The following NEK4 variants were observed in gnomAD, a reference collection of about 807,000 sequenced individuals.
The protein encoded by NEK4 is NIMA related kinase 4.
Under a neutral mutation model 98.4 loss-of-function variants are expected in NEK4, and 86 were observed. That is an observed-to-expected ratio of 0.87 (90% confidence interval 0.73 to 1.05). The LOEUF is 1.05. Among genes scored for constraint, NEK4 ranks in the 50% least tolerant of loss-of-function variants. The probability of loss-of-function intolerance (pLI) is 0.00; values close to 1 mark genes in which losing one functional copy is unlikely to be tolerated. For synonymous variants in NEK4, 328 were observed against 342.2 expected (o/e 0.96, Z 0.46); for missense variants, 898 against 950.3 (o/e 0.94, Z 0.72).
chr3:52,770,733 G>A lies in NEK4; in HGVS notation c.14C>T (p.Ala5Val), dbSNP rs1450796029. 1.9e-6 allele frequency: 3 copies of A among 1,570,122 alleles called. No homozygotes were observed. The highest frequency in any genetic ancestry group is 1.8e-5 in the Admixed American group (1 of 54,368). The change falls in exon 1 of 16, where the codon GCC becomes GTC. Residue 5 changes from alanine to valine, a missense_variant. Ala to Val is a moderately conservative substitution (Grantham distance 64). Coordinates refer to ENST00000233027, the MANE Select transcript of NEK4 (RefSeq NM_003157.6). MPLA[A>V]YCYLRVVGKG... ...GCCCACGACCCGCAGGTAGCAGTAG[G>A]CGGCCAGGGGCATGTTCCCAGCGCT... is the stretch of plus-strand genomic sequence containing the variant.
intron 15 of NEK4, among the ~76,000 whole-genome samples, chr3:52,713,235 G>A (rs2097352088): frequency 6.6e-6 from 1 of 152,046 alleles, no homozygotes; most frequent in African/African-American, 2.4e-5. Flanking sequence ...ATGCACTGAG[G>A]GCATATCACT....
intron 6 of NEK4, among the ~76,000 whole-genome samples, chr3:52,757,642 C>G (rs1698171673): frequency 1.3e-5 from 2 of 151,560 alleles, no homozygotes; most frequent in South Asian, 4.2e-4. Flanking sequence ...TTCACACTAG[C>G]AAAAAAGGTG....
intron 15 of NEK4, among the ~76,000 whole-genome samples, chr3:52,725,749 AT>A (rs1455911786): frequency 5.3e-5 from 8 of 152,220 alleles, no homozygotes; most frequent in Admixed American, 3.9e-4. Flanking sequence ...TTATGTTAAA[AT>A]TTTTCACTAC....
Position 52,710,190 on chromosome 3 carries a change from GTC to G in NEK4, c.*1585_*1586del, listed in dbSNP as rs2097348988. 6.7e-6 allele frequency: 1 copy of G among 148,540 alleles called. No individual in the cohort carries two copies. The allele number at this position is 148,540 out of a possible 1,614,324, so 9.2% of individuals were successfully genotyped here. On this transcript the variant is annotated 3_prime_UTR_variant, in exon 16 of 16. Transcript: ENST00000233027. ...ATCCTGGCTAACACGGTGAAACCCT[GTC>G]TCTACTAAAAAAATACAAAAAAATT...
intron 15 of NEK4, among the ~76,000 whole-genome samples, chr3:52,727,689 G>A (rs2154102590): frequency 6.6e-6 from 1 of 152,124 alleles, no homozygotes; most frequent in East Asian, 2.0e-4. Flanking sequence ...ACGGGCTGGT[G>A]TGAACTCCTG....
At chr3:52,768,294 T>C in intron 2 of NEK4, 44 bp downstream of exon 2, 1 of 1,560,966 alleles carries the variant, frequency 6.4e-7, no homozygotes, top group South Asian at 1.2e-5. Context: ...GCCATCTTCT[T>C]GCCATCTGGG....
intron 15 of NEK4, among the ~76,000 whole-genome samples, chr3:52,726,571 C>G (rs1318908979): frequency 6.9e-6 from 1 of 145,004 alleles, no homozygotes; most frequent in Non-Finnish European, 1.5e-5. Flanking sequence ...TGCACTCCAG[C>G]CTGGGCAACA....
In NEK4 at chr3:52,768,039, C is replaced by T. The variant is rs1698640246; in HGVS notation, c.360+299G>A. Among the ~76,000 whole-genome samples the T allele has an allele frequency of 2.6e-5, 4 of 152,186 alleles. No individual in the cohort carries two copies. In the South Asian group the frequency reaches 8.3e-4, roughly 32 times the overall value. ...ACACGACTGACCAATGGATAACAAA[C>T]ATAGTCACTCTATGCTCTTGGTTGC... On this transcript the variant is annotated intron_variant, in intron 2 of 15. Transcript: ENST00000233027.
intron 5 of NEK4, among the ~76,000 whole-genome samples, chr3:52,763,211 C>T (rs1028073398): frequency 7.2e-5 from 11 of 152,152 alleles, no homozygotes; most frequent in African/African-American, 2.7e-4. Flanking sequence ...CTTATGAGGG[C>T]TCCTGTGTCA....
intron 6 of NEK4, among the ~76,000 whole-genome samples, chr3:52,758,653 A>AC (rs978118731): frequency 3.9e-5 from 6 of 151,926 alleles, no homozygotes; most frequent in South Asian, 2.1e-4. Flanking sequence ...ATTTTTAAAA[A>AC]CAAAAAAAAA....
intron 8 of NEK4, among the ~76,000 whole-genome samples, chr3:52,749,024 C>T (rs1258238886): frequency 5.9e-5 from 9 of 151,974 alleles, no homozygotes; most frequent in East Asian, 1.9e-4. Context: ...GAGGTGGAGG[C>T]TGCAGTGAGC....
intron 6 of NEK4, among the ~76,000 whole-genome samples, chr3:52,754,935 G>A (rs769897988): frequency 2.6e-5 from 4 of 151,888 alleles, no homozygotes; most frequent in African/African-American, 7.2e-5. Context: ...TTAGCCGGGC[G>A]CGGTGGCAGG....
intron 15 of NEK4, among the ~76,000 whole-genome samples, chr3:52,725,296 G>C (rs539497717): frequency 5.3e-4 from 81 of 152,262 alleles, no homozygotes; most frequent in Non-Finnish European, 5.9e-4. Flanking sequence ...TGGATCACGA[G>C]GTCAGGAGAT....
intron 6 of NEK4, among the ~76,000 whole-genome samples, chr3:52,752,929 T>TACACACACACACACACACACACACACAC (rs1215610708): frequency 2.0e-5 from 1 of 49,728 alleles, no homozygotes; most frequent in African/African-American, 7.0e-5. Flanking sequence ...TATATATATA[T>TACACACACACACACACACACACACACAC]ATATACACAC....
chr3:52,770,649 C>T lies in NEK4; in HGVS notation c.93+5G>A, dbSNP rs766660059. The T allele has an allele frequency of 9.7e-6, 15 of 1,549,962 alleles. No homozygotes were observed. In the African/African-American group the frequency reaches 1.9e-4, roughly 20 times the overall value. On this transcript the variant is annotated splice_donor_5th_base_variant and intron_variant, in intron 1 of 15. Coordinates refer to ENST00000233027, the MANE Select transcript of NEK4 (RefSeq NM_003157.6). The stretch of plus-strand genomic sequence containing the variant: ...CGCCCCTTGCCGGGCCCCACCCCTG[C>T]AGACCTGCTTGCCGTCCCGCCGGTG...
chr3:52,741,017 G>A (rs1358120662), intron 13 of NEK4, among the ~76,000 whole-genome samples: 10 of 151,544 alleles, frequency 6.6e-5, no homozygotes, highest in African/African-American at 2.2e-4. Flanking sequence ...GGCAGATCAC[G>A]AGGTCAGGAG....
chr3:52,746,885 C>T lies in NEK4; in HGVS notation c.1526G>A (p.Cys509Tyr). The T allele has an allele frequency of 1.2e-6, 2 of 1,613,328 alleles. No individual in the cohort carries two copies. The highest frequency in any genetic ancestry group is 1.7e-6 in the Non-Finnish European group (2 of 1,179,354). Reference protein sequence around the residue: ...HHAQDQVAGECIIEKQGRIHP... With the variant: ...HHAQDQVAGEYIIEKQGRIHP... ...GATTCTGCCCTGTTTTTCTATAATA[C>T]ATTCACCAGCAACTTGATCCTTAAA... The change falls in exon 9 of 16, where the codon TGT (cysteine) becomes TAT (tyrosine). Residue 509 changes from cysteine to tyrosine, a missense_variant. Cys to Tyr is a radical substitution (Grantham distance 194). Transcript: ENST00000233027.
chr3:52,743,454 T>C lies in NEK4; in HGVS notation c.1902A>G (p.Ser634=). The C allele has an allele frequency of 6.2e-7, 1 of 1,613,782 alleles. No homozygotes were observed. Among genetic ancestry groups the C allele is most frequent in the East Asian group, 2.2e-5 (1 of 44,886 alleles). Residue 634 remains serine (S), a synonymous_variant, in exon 12 of 16, where the codon TCA becomes TCG. Transcript: ENST00000233027. ...CTACACTCAGAGACGCTTTCCTCAC[T>C]GAAGGGCCTGAAAAGGCAAACATCC... is the stretch of plus-strand genomic sequence containing the variant. ...SQEEMSSSGP[S]VRKASLSVAG... is the part of the protein sequence containing the mutation.
At chr3:52,732,028 A>C (rs1005006772) in intron 15 of NEK4, among the ~76,000 whole-genome samples, 22 of 152,152 alleles carry the variant, frequency 1.4e-4, no homozygotes, top group Admixed American at 8.5e-4. Flanking sequence ...ACCATCTGCT[A>C]TGATTGTTAA....
Sources: allele counts gnomAD v4.1 joint callset (sites outside exome capture counted in the v4.1 genomes callset), GRCh38; gene constraint gnomAD v4.1.1; transcripts MANE v1.5; gene names NCBI Gene and HGNC (gene_info 2026-07-23, HGNC 2026-07-21).